The following PSME3IP1 variants were observed in gnomAD, a reference collection of about 807,000 sequenced individuals.
PSME3IP1 encodes the protein proteasome activator subunit 3 interacting protein 1.
Under a neutral mutation model 34.1 loss-of-function variants are expected in PSME3IP1, and 13 were observed. The observed-to-expected ratio is 0.38, with a 90% confidence interval of 0.25 to 0.61. The LOEUF is 0.61. PSME3IP1 is among the 20% of genes least tolerant of loss of function. PSME3IP1 has a pLI of 0.60. For synonymous variants in PSME3IP1, 93 were observed against 114.3 expected, an observed-to-expected ratio of 0.81 and a Z score of 1.19; for missense variants, 237 against 301.4, an observed-to-expected ratio of 0.79 and a Z score of 1.58.
chr16:57,177,690 C>G (rs561602610), intron 1 of PSME3IP1, among the ~76,000 whole-genome samples: 1 of 152,288 alleles, frequency 6.6e-6, no homozygotes, highest in South Asian at 2.1e-4. Flanking sequence ...CTAATGCACA[C>G]TTACAAAAGT....
intron 1 of PSME3IP1, among the ~76,000 whole-genome samples, chr16:57,182,128 C>T (rs2073772175): frequency 6.6e-6 from 1 of 152,164 alleles, no homozygotes; most frequent in Non-Finnish European, 1.5e-5. Context: ...AGCCATCAGT[C>T]AGCTCCTTAG....
intron 4 of PSME3IP1, among the ~76,000 whole-genome samples, chr16:57,169,078 G>A (rs2072258729): frequency 6.6e-6 from 1 of 151,942 alleles, no homozygotes; most frequent in East Asian, 1.9e-4. Flanking sequence ...AACCTTTTAG[G>A]GGTAGGGGGT....
chr16:57,156,010 AAAG>A (rs757567768), intron 6 of PSME3IP1, among the ~76,000 whole-genome samples: 7 of 152,230 alleles, frequency 4.6e-5, no homozygotes, highest in Non-Finnish European at 7.4e-5. Flanking sequence ...ACAAAGAAAG[AAAG>A]AAGGAGGAGG....
rs1381625642 is a variant in PSME3IP1 at position 57,154,722 on chromosome 16, G to C, written c.548-215C>G. On this transcript the variant is annotated intron_variant, in intron 6 of 6. Transcript: ENST00000309137. This position sits in a 1 kb window ranked among gnomAD's most constrained non-coding sequence, Gnocchi z 4.0. ...AGGTGAAAGGACTTCTGAAAGTAAA[G>C]GGGCAGAGCTGAGACTTGAATCAAG... Among the ~76,000 whole-genome samples, 1 of 152,198 alleles carries C rather than the reference G, an allele frequency of 6.6e-6. No homozygotes were observed. The highest frequency in any genetic ancestry group is 1.5e-5 in the Non-Finnish European group (1 of 68,044).
intron 4 of PSME3IP1, among the ~76,000 whole-genome samples, chr16:57,168,611 G>A (rs1387159235): frequency 6.6e-6 from 1 of 151,900 alleles, no homozygotes; most frequent in Non-Finnish European, 1.5e-5. Flanking sequence ...AGACCAGCCT[G>A]ACCAGCATGG....
intron 1 of PSME3IP1, among the ~76,000 whole-genome samples, chr16:57,180,036 C>T (rs2073551042): frequency 6.6e-6 from 1 of 152,196 alleles, no homozygotes; most frequent in Admixed American, 6.5e-5. Flanking sequence ...ACAACAACTA[C>T]TAACAGAGAG....
At chr16:57,180,569 G>T (rs528337376) in intron 1 of PSME3IP1, among the ~76,000 whole-genome samples, 1 of 151,340 alleles carries the variant, frequency 6.6e-6, no homozygotes, top group East Asian at 1.9e-4. Flanking sequence ...TCCAGCCTGG[G>T]CAATAGAGCA....
In PSME3IP1 at chr16:57,185,858, C is replaced by T; in HGVS notation, c.-53G>A. 4 of 984,402 alleles carry T rather than the reference C, an allele frequency of 4.1e-6. No homozygotes were observed. Among genetic ancestry groups the T allele is most frequent in the Non-Finnish European group, 4.8e-6 (4 of 829,840 alleles). The allele number at this position is 984,402 out of a possible 1,614,324, so 61.0% of individuals were successfully genotyped here. A position where few individuals can be genotyped will look rare whatever the true frequency, so the allele number is the denominator to read the frequency against. Reference sequence around the variant, plus strand: ...GGGAGGCGAGACGACCTCACCTCGGCGGCGCCCACCCCAAACCGCCACCGC... The same window carrying T: ...GGGAGGCGAGACGACCTCACCTCGGTGGCGCCCACCCCAAACCGCCACCGC... On this transcript the variant is annotated 5_prime_UTR_variant, in exon 1 of 7. Transcript: ENST00000309137.
intron 1 of PSME3IP1, chr16:57,181,441 C>T (rs759212676): frequency 2.0e-5 from 3 of 152,112 alleles, no homozygotes; most frequent in Non-Finnish European, 2.9e-5. Context: ...ACAATCAACA[C>T]AGTATAATTC....
rs763001240 is a variant in PSME3IP1, at chr16:57,154,275, G to A, written c.*15C>T. ...CTACCCTTGGGGAGGAGCTCCCTGT[G>A]TAGGGACGGAGAAACTAGGGGGCCT... On this transcript the variant is annotated 3_prime_UTR_variant, in exon 7 of 7. Transcript: ENST00000309137. The surrounding 1 kb of genome is among the most constrained non-coding windows in gnomAD (Gnocchi z 4.0). 8 of 1,609,792 alleles carry A rather than the reference G, an allele frequency of 5.0e-6. No homozygotes were observed. The highest frequency in any genetic ancestry group is 6.0e-6 in the Non-Finnish European group (7 of 1,176,320).
Position 57,177,445 on chromosome 16 carries a change from G to A in PSME3IP1, c.-15-3576C>T, listed in dbSNP as rs537820654. The stretch of plus-strand genomic sequence containing the variant: ...CAAGCAATACAATCTGCCCACCTCA[G>A]CCTGCCAAAGTGCTGGGGTTATAGG... On this transcript the variant is annotated intron_variant, in intron 1 of 6. Transcript: ENST00000309137. Among the ~76,000 whole-genome samples, 8 of 150,332 alleles carry A rather than the reference G, an allele frequency of 5.3e-5. No homozygotes were observed. The South Asian group carries it at 1.5e-3, about 28-fold the overall frequency.
chr16:57,178,211 G>A (rs1453514201), intron 1 of PSME3IP1, among the ~76,000 whole-genome samples: 2 of 152,190 alleles, frequency 1.3e-5, no homozygotes, highest in African/African-American at 4.8e-5. Flanking sequence ...TGCTCAGGCT[G>A]TTCCCTCTGC....
At position 57,156,372 on chromosome 16, in the gene PSME3IP1, C is replaced by G. The variant is rs529661771; in HGVS notation, c.548-1865G>C. 3.9e-5 allele frequency among the ~76,000 whole-genome samples: 6 copies of G among 152,322 alleles called. No homozygotes were observed. In the East Asian group the frequency reaches 1.2e-3, roughly 29 times the overall value. The stretch of plus-strand genomic sequence containing the variant: ...TGCACTAACACCTCATTTACCCAGA[C>G]ACCTCAAGTAAATGTGAAAAGAATA... On this transcript the variant is annotated intron_variant, in intron 6 of 6. Transcript: ENST00000309137.
At chr16:57,165,153 T>TTATATA (rs142649591) in intron 5 of PSME3IP1, among the ~76,000 whole-genome samples, 23 of 147,668 alleles carry the variant, frequency 1.6e-4, no homozygotes, top group East Asian at 7.8e-4. Context: ...TAAGACACTG[T>TTATATA]TATATATATA....
At chr16:57,182,562 A>AC (rs2073816852) in intron 1 of PSME3IP1, among the ~76,000 whole-genome samples, 2 of 150,368 alleles carry the variant, frequency 1.3e-5, no homozygotes, top group African/African-American at 4.9e-5. Flanking sequence ...AAAAAAAAAA[A>AC]AAAAAAAAAA....
At chr16:57,173,309 CCT>C (rs1160239318) in intron 2 of PSME3IP1, among the ~76,000 whole-genome samples, 5 of 152,242 alleles carry the variant, frequency 3.3e-5, no homozygotes, top group South Asian at 2.1e-4. Context: ...TGACTTCGCC[CCT>C]GAGTCTCAGT....
intron 6 of PSME3IP1, among the ~76,000 whole-genome samples, chr16:57,162,296 G>T (rs2071347617): frequency 6.6e-6 from 1 of 152,210 alleles, no homozygotes; most frequent in South Asian, 2.1e-4. Context: ...AATTATGAAT[G>T]AAATGATATA....
At position 57,154,796 on chromosome 16, in the gene PSME3IP1, T is replaced by A. The variant is rs1421510981; in HGVS notation, c.548-289A>T. 6.6e-6 allele frequency among the ~76,000 whole-genome samples: 1 copy of A among 152,168 alleles called. No individual in the cohort carries two copies. The highest frequency in any genetic ancestry group is 1.5e-5 in the Non-Finnish European group (1 of 68,024). On this transcript the variant is annotated intron_variant, in intron 6 of 6. Coordinates refer to ENST00000309137, the MANE Select transcript of PSME3IP1 (RefSeq NM_024946.4). This position sits in a 1 kb window ranked among gnomAD's most constrained non-coding sequence, Gnocchi z 4.0. Reference sequence around the variant, plus strand: ...CTACACTCTCTTGTTCCCCATCAAATCCGAGTTGGAGAACAAGCTACTCTG... The same window carrying A: ...CTACACTCTCTTGTTCCCCATCAAAACCGAGTTGGAGAACAAGCTACTCTG...
chr16:57,181,056 A>G (rs112063577), intron 1 of PSME3IP1, among the ~76,000 whole-genome samples: 1 of 152,192 alleles, frequency 6.6e-6, no homozygotes, highest in Non-Finnish European at 1.5e-5. Context: ...AGGGGGAAAA[A>G]AAAGAAGTTA....
Sources: allele counts gnomAD v4.1 joint callset (sites outside exome capture counted in the v4.1 genomes callset), GRCh38; gene constraint gnomAD v4.1.1; non-coding constraint Gnocchi (gnomAD v3.1); transcripts MANE v1.5; gene names NCBI Gene and HGNC (gene_info 2026-07-23, HGNC 2026-07-21).